NPAS3: variants seen among roughly 807,000 people sequenced by gnomAD.
NPAS3 encodes neuronal PAS domain-containing protein 3.
NPAS3 carries 14 observed loss-of-function variants against 73.1 expected under a neutral mutation model. The ratio of observed to expected loss-of-function variants is 0.19; its 90% confidence interval spans 0.13 to 0.30. The LOEUF (loss-of-function observed/expected upper bound fraction) is 0.30. Ranked by LOEUF, NPAS3 falls within the 10% of genes least tolerant of loss-of-function variation. The pLI, the probability that NPAS3 is intolerant of heterozygous loss-of-function variation, is 1.00. For synonymous variants in NPAS3, 620 were observed against 541.5 expected (o/e 1.14, Z -2.01); for missense variants, 1,096 against 1,250.0 (o/e 0.88, Z 1.86).
At chr14:33,674,538 A>G (rs977748609) in intron 5 of NPAS3, among the ~76,000 whole-genome samples, 3 of 152,232 alleles carry the variant, frequency 2.0e-5, no homozygotes, top group Admixed American at 1.3e-4. Context: ...CAAGGCGCAC[A>G]TTAAAGGGAT....
At chr14:33,206,170 T>C (rs145209506) in intron 2 of NPAS3, among the ~76,000 whole-genome samples, 1 of 152,176 alleles carries the variant, frequency 6.6e-6, no homozygotes, top group East Asian at 1.9e-4. Flanking sequence ...ATAATTATAA[T>C]AGAGAAAAGG....
chr14:32,975,651 A>G (rs2037635101), intron 1 of NPAS3, among the ~76,000 whole-genome samples: 1 of 152,164 alleles, frequency 6.6e-6, no homozygotes, highest in South Asian at 2.1e-4. Context: ...AGTTTTTTTA[A>G]TTAATCTTAC....
At chr14:33,069,470 A>C (rs1279671866) in intron 2 of NPAS3, among the ~76,000 whole-genome samples, 1 of 152,232 alleles carries the variant, frequency 6.6e-6, no homozygotes, top group African/African-American at 2.4e-5. Flanking sequence ...TGCGGAATGC[A>C]ATAGGAGAAT....
At chr14:33,338,000 A>AT (rs150711768) in intron 3 of NPAS3, among the ~76,000 whole-genome samples, 11,985 of 150,946 alleles carry the variant, frequency 0.079, 550 homozygotes, top group Middle Eastern at 0.11. Flanking sequence ...TTTTTAATGT[A>AT]TAGGAGCATG....
intron 3 of NPAS3, among the ~76,000 whole-genome samples, chr14:33,277,106 G>C (rs1017210493): frequency 6.6e-6 from 1 of 152,086 alleles, no homozygotes; most frequent in Non-Finnish European, 1.5e-5. Context: ...TGATATTTTA[G>C]ATAGTGTTCC....
At chr14:33,670,635 A>G (rs1001810841) in intron 5 of NPAS3, among the ~76,000 whole-genome samples, 4 of 151,964 alleles carry the variant, frequency 2.6e-5, no homozygotes, top group African/African-American at 9.7e-5. Context: ...AAAAAAAAAA[A>G]AAACTACAAA....
rs539125670 is a variant in NPAS3 at position 33,488,873 on chromosome 14, A to G, written c.469-71248A>G. 7.2e-5 allele frequency among the ~76,000 whole-genome samples: 11 copies of G among 152,318 alleles called. No individual in the cohort carries two copies. The South Asian group carries it at 1.7e-3, about 23-fold the overall frequency. On this transcript the variant is annotated intron_variant, in intron 4 of 11. Coordinates refer to ENST00000356141, the Ensembl canonical transcript of NPAS3. ...AGTGTTTTCCATATTGAGGTGCCGT[A>G]TGAAAGTGTAAAACACCAGCATGTG...
At chr14:33,479,669 C>T (rs910811315) in intron 4 of NPAS3, among the ~76,000 whole-genome samples, 2 of 152,140 alleles carry the variant, frequency 1.3e-5, no homozygotes, top group Non-Finnish European at 2.9e-5. Context: ...GGCACTTTTC[C>T]TCGGTCAGTC....
At chr14:32,977,902 A>G (rs2037752518) in intron 1 of NPAS3, among the ~76,000 whole-genome samples, 2 of 152,188 alleles carry the variant, frequency 1.3e-5, no homozygotes, top group Admixed American at 1.3e-4. Flanking sequence ...TATCAGCATT[A>G]TTGTTGCATA....
At chr14:32,967,594 T>C (rs2037229561) in intron 1 of NPAS3, among the ~76,000 whole-genome samples, 1 of 152,206 alleles carries the variant, frequency 6.6e-6, no homozygotes, top group Admixed American at 6.5e-5. Flanking sequence ...AAATGTTCGA[T>C]GTCACTAATC....
intron 2 of NPAS3, among the ~76,000 whole-genome samples, chr14:33,176,019 C>G (rs768902904): frequency 6.6e-5 from 10 of 152,034 alleles, no homozygotes; most frequent in Non-Finnish European, 1.5e-4. Context: ...TCTTGTTCAT[C>G]CATTCAATTT....
At chr14:33,525,854 C>T (rs6571603) in intron 4 of NPAS3, among the ~76,000 whole-genome samples, 59,237 of 151,874 alleles carry the variant, frequency 0.39, 13,313 homozygotes, top group African/African-American at 0.63. Context: ...CTGTTTTCTT[C>T]TTTGGCTATC....
intron 3 of NPAS3, among the ~76,000 whole-genome samples, chr14:33,298,721 G>A (rs188367245): frequency 3.9e-5 from 6 of 152,172 alleles, no homozygotes; most frequent in African/African-American, 1.2e-4. Context: ...AATGTATAAG[G>A]GGAAATTCGT....
At chr14:33,662,041 C>A (rs115079215) in intron 5 of NPAS3, among the ~76,000 whole-genome samples, 169 of 152,334 alleles carry the variant, frequency 1.1e-3, no homozygotes, top group African/African-American at 3.9e-3. Context: ...GAAGGCACAA[C>A]ACTATAGGTG....
chr14:33,755,583 C>T (rs560733388), intron 7 of NPAS3, among the ~76,000 whole-genome samples: 1 of 152,196 alleles, frequency 6.6e-6, no homozygotes, highest in South Asian at 2.1e-4. Flanking sequence ...GCACTCTAGA[C>T]CGGGTGGGCG....
intron 1 of NPAS3, among the ~76,000 whole-genome samples, chr14:32,989,631 AGACT>A (rs2038242428): frequency 2.0e-5 from 3 of 151,854 alleles, no homozygotes; most frequent in Admixed American, 6.6e-5. Flanking sequence ...GGCGACAGCG[AGACT>A]CGGTCTCAAA....
At chr14:33,427,408 A>G (rs913450379) in intron 4 of NPAS3, among the ~76,000 whole-genome samples, 33 of 151,930 alleles carry the variant, frequency 2.2e-4, no homozygotes, top group African/African-American at 7.7e-4. Context: ...TGTTACAAAC[A>G]TCATAAAGTA....
chr14:33,502,856 G>C (rs1411730017), intron 4 of NPAS3, among the ~76,000 whole-genome samples: 1 of 151,978 alleles, frequency 6.6e-6, no homozygotes, highest in Non-Finnish European at 1.5e-5. Flanking sequence ...CTGCACTGCA[G>C]ATTGAGTCAC....
intron 4 of NPAS3, among the ~76,000 whole-genome samples, chr14:33,466,581 T>A (rs2050535050): frequency 1.3e-5 from 2 of 152,176 alleles, no homozygotes; most frequent in Admixed American, 1.3e-4. Flanking sequence ...GAGTAATTTA[T>A]AAAGAGAATA....
Sources: gnomAD v4.1 joint callset for allele counts (sites outside exome capture counted in the v4.1 genomes callset) on GRCh38, gnomAD v4.1.1 for gene constraint, MANE v1.5 for transcripts, NCBI Gene and HGNC (gene_info 2026-07-23, HGNC 2026-07-21) for gene names.